The following SNAP23 variants were observed in gnomAD, a reference collection of about 807,000 sequenced individuals.
The protein encoded by SNAP23 is synaptosomal-associated protein 23.
In SNAP23, 11 loss-of-function variants were observed where a neutral mutation model predicts 29.0. The observed-to-expected ratio is 0.38, with a 90% CI of 0.24 to 0.63. SNAP23 has a LOEUF of 0.63. SNAP23 is among the 20% of genes least tolerant of loss of function. SNAP23 has a pLI of 0.58. For missense variants in SNAP23, 220 were observed against 253.9 expected, an observed-to-expected ratio of 0.87 and a Z score of 0.91; for synonymous variants, 60 against 82.9, an observed-to-expected ratio of 0.72 and a Z score of 1.50.
chr15:42,493,350 C>CTATA (rs1391194703), upstream of SNAP23, among the ~76,000 whole-genome samples: 13 of 150,468 alleles, frequency 8.6e-5, no homozygotes, highest in African/African-American at 2.7e-4. Context: ...CTCTCTCTCT[C>CTATA]TCTCTATATA....
Position 42,513,446 on chromosome 15 carries a change from G to A in SNAP23, c.147G>A (p.Lys49=). The A allele has an allele frequency of 6.2e-7, 1 of 1,612,188 alleles. No homozygotes were observed. The highest frequency in any genetic ancestry group is 8.5e-7 in the Non-Finnish European group (1 of 1,178,310). ...IKTITMLDEQ[K]EQLNRIEEGL... ...CCATCACTATGCTGGATGAACAAAA[G>A]GGTAAGTTAAATTATTAGCAGAAAT... Residue 49 remains lysine (K), a splice_region_variant and synonymous_variant, in exon 4 of 8, where the codon AAG becomes AAA. Transcript: ENST00000249647.
intron 7 of SNAP23, among the ~76,000 whole-genome samples, 178 bp downstream of exon 7, chr15:42,529,997 G>C (rs894306605): frequency 3.3e-5 from 5 of 152,300 alleles, no homozygotes; most frequent in African/African-American, 1.2e-4. Flanking sequence ...TCCCTGTCAT[G>C]GTAGTTGGTG....
chr15:42,512,052 A>G (rs1385581781), intron 2 of SNAP23, 149 bp downstream of exon 2: 1 of 416,688 alleles, frequency 2.4e-6, no homozygotes, highest in Non-Finnish European at 4.3e-6. Context: ...GCTGGTTTTT[A>G]TTTTCTTTTT....
intron 5 of SNAP23, 129 bp from the exon 6 acceptor site, chr15:42,528,133 C>CG: frequency 1.8e-6 from 1 of 553,470 alleles, no homozygotes; most frequent in South Asian, 3.4e-5. Flanking sequence ...TGTAGATCAT[C>CG]TAGACTTAGC....
upstream of SNAP23, among the ~76,000 whole-genome samples, chr15:42,491,963 T>C (rs2057169890): frequency 6.6e-6 from 1 of 152,072 alleles, no homozygotes; most frequent in African/African-American, 2.4e-5. Flanking sequence ...CAGGCTGTAG[T>C]GCAGAACCGC....
intron 7 of SNAP23, among the ~76,000 whole-genome samples, chr15:42,530,789 T>C (rs1485830012): frequency 1.3e-5 from 2 of 152,198 alleles, no homozygotes; most frequent in African/African-American, 4.8e-5. Flanking sequence ...CTCATTAAAA[T>C]CTCAGTGAAC....
At chr15:42,492,296 ACATT>A (rs1567039286), upstream of SNAP23, among the ~76,000 whole-genome samples, 2 of 152,178 alleles carry the variant, frequency 1.3e-5, no homozygotes, top group African/African-American at 4.8e-5. Flanking sequence ...AAATGAAATG[ACATT>A]CAGGTTGATA....
intron 1 of SNAP23, among the ~76,000 whole-genome samples, chr15:42,503,766 G>C (rs1414237138): frequency 6.6e-6 from 1 of 152,010 alleles, no homozygotes; most frequent in Non-Finnish European, 1.5e-5. Flanking sequence ...GCCTCCCAAA[G>C]TGCTGGGATT....
chr15:42,498,050 G>A (rs1305425537), intron 1 of SNAP23, among the ~76,000 whole-genome samples: 1 of 152,218 alleles, frequency 6.6e-6, no homozygotes, highest in African/African-American at 2.4e-5. Context: ...CTGACCCTGT[G>A]GCTTTGCAGG....
chr15:42,504,696 A>T (rs2057303597), intron 1 of SNAP23, among the ~76,000 whole-genome samples: 1 of 152,194 alleles, frequency 6.6e-6, no homozygotes, highest in Non-Finnish European at 1.5e-5. Context: ...ATAGAATGTT[A>T]TCCTTGTTTT....
intron 1 of SNAP23, among the ~76,000 whole-genome samples, chr15:42,507,420 T>C (rs183422992): frequency 2.2e-4 from 34 of 152,194 alleles, no homozygotes; most frequent in East Asian, 5.8e-4. Context: ...GCATGAGAAA[T>C]AGGGTGTAAA....
At chr15:42,526,461 C>CA (rs202159565) in intron 5 of SNAP23, among the ~76,000 whole-genome samples, 10 of 150,858 alleles carry the variant, frequency 6.6e-5, no homozygotes, top group Middle Eastern at 3.4e-3. Context: ...ATGCCTCTCA[C>CA]AAAAAAAAAT....
intron 1 of SNAP23, among the ~76,000 whole-genome samples, chr15:42,511,166 C>A (rs1327133881): frequency 6.6e-6 from 1 of 152,148 alleles, no homozygotes; most frequent in Non-Finnish European, 1.5e-5. Context: ...ATGAGATCTC[C>A]TTCTGAGTTA....
In SNAP23 at chr15:42,513,304, G is replaced by A. The variant is rs779705852; in HGVS notation, c.100-95G>A. On this transcript the variant is annotated intron_variant, in intron 3 of 7. Transcript: ENST00000249647. ...GTAGCTCTAATCCTCTGAGAGCTTG[G>A]GTTTCTAAATTATTCTGTGTTGCTC... The A allele has an allele frequency of 8.0e-6, 9 of 1,126,942 alleles. No homozygotes were observed. The Admixed American group carries it at 1.4e-4, about 17-fold the overall frequency. 69.8% of individuals were successfully genotyped at this position (1,126,942 alleles called of 1,614,324 possible).
intron 5 of SNAP23, among the ~76,000 whole-genome samples, chr15:42,519,621 C>T (rs1388357996): frequency 3.9e-5 from 6 of 151,984 alleles, no homozygotes; most frequent in East Asian, 1.9e-4. Flanking sequence ...CCACCCACCT[C>T]GGCCTCCCAA....
At chr15:42,516,171 G>GT (rs1013500186) in intron 5 of SNAP23, among the ~76,000 whole-genome samples, 3 of 152,120 alleles carry the variant, frequency 2.0e-5, no homozygotes, top group African/African-American at 7.2e-5. Context: ...TGAAAGTTTT[G>GT]TTTTGTTTTT....
chr15:42,513,175 A>G (rs773420673), intron 3 of SNAP23, 179 bp downstream of exon 3: 2 of 745,780 alleles, frequency 2.7e-6, no homozygotes, highest in Non-Finnish European at 4.8e-6. Flanking sequence ...CTTTAACAGT[A>G]TTGGAATATG....
chr15:42,507,921 G>A (rs758777834), intron 1 of SNAP23, among the ~76,000 whole-genome samples: 18 of 151,976 alleles, frequency 1.2e-4, no homozygotes, highest in South Asian at 8.3e-4. Context: ...TCAGCCCTCC[G>A]TATCAGCAGG....
intron 5 of SNAP23, 125 bp from the exon 6 acceptor site, chr15:42,528,136 GA>G: frequency 2.8e-6 from 2 of 703,478 alleles, no homozygotes; most frequent in African/African-American, 1.8e-5. Flanking sequence ...AGATCATCTA[GA>G]CTTAGCTGTA....
Sources: allele counts gnomAD v4.1 joint callset (sites outside exome capture counted in the v4.1 genomes callset), GRCh38; gene constraint gnomAD v4.1.1; transcripts MANE v1.5; gene names NCBI Gene and HGNC (gene_info 2026-07-23, HGNC 2026-07-21).